Variants in PFKFB3 observed in about 807,000 individuals in gnomAD.
The protein encoded by PFKFB3 is 6-phosphofructo-2-kinase/fructose-2,6-bisphosphatase 3.
In PFKFB3, 33 loss-of-function variants were observed where a neutral mutation model predicts 68.0. That is an observed-to-expected ratio of 0.49 (90% confidence interval 0.37 to 0.65). PFKFB3 has a LOEUF of 0.65. Ranked by LOEUF, PFKFB3 falls within the 30% of genes least tolerant of loss-of-function variation. The pLI, the probability that PFKFB3 is intolerant of heterozygous loss-of-function variation, is 0.00. For synonymous variants in PFKFB3, 315 were observed against 288.2 expected (o/e 1.09, Z -0.94); for missense variants, 586 against 712.2 (o/e 0.82, Z 2.02).
chr10:6,230,448 A>G (rs1845666592), intron 14 of PFKFB3, among the ~76,000 whole-genome samples: 1 of 152,200 alleles, frequency 6.6e-6, no homozygotes, highest in South Asian at 2.1e-4. Context: ...TAATATGGAG[A>G]TAATAACTTC....
At chr10:6,319,088 T>C in the PFKFB3 span, among the ~76,000 whole-genome samples, 316 of 152,386 alleles carry the variant, frequency 2.1e-3, 1 homozygote, top group African/African-American at 7.3e-3. Context: ...CTGTTCTAGA[T>C]GCTAGAGATT....
the PFKFB3 span, among the ~76,000 whole-genome samples, chr10:6,313,024 C>CT: frequency 6.6e-6 from 1 of 152,208 alleles, no homozygotes; most frequent in African/African-American, 2.4e-5. This position sits in a 1 kb window ranked among gnomAD's most constrained non-coding sequence, Gnocchi z 4.2. Flanking sequence ...ACTGTATGAA[C>CT]TGGGGGGTAG....
At chr10:6,169,021 T>A (rs1435906785) in intron 1 of PFKFB3, among the ~76,000 whole-genome samples, 1 of 105,626 alleles carries the variant, frequency 9.5e-6, no homozygotes. Flanking sequence ...CACTGGTCAC[T>A]GCAACCTCCC....
rs567179510 is a variant in PFKFB3 at position 6,188,991 on chromosome 10, T to C, written c.17-24632T>C. 3.4e-3 allele frequency among the ~76,000 whole-genome samples: 517 copies of C among 152,028 alleles called. 2 individuals are homozygous for C. Among genetic ancestry groups the C allele is most frequent in the African/African-American group, 9.6e-3 (398 of 41,440 alleles). On this transcript the variant is annotated intron_variant, in intron 1 of 14. Transcript: ENST00000379789. ...CTGGGACTACAGGCGCCCGCCACCT[T>C]GCCCGGCTAATTTTTTAAAAAAATT...
At chr10:6,239,203 C>A (rs773234619), downstream of PFKFB3, among the ~76,000 whole-genome samples, 8 of 152,106 alleles carry the variant, frequency 5.3e-5, no homozygotes, top group Non-Finnish European at 1.5e-5. Context: ...GAGAGAGCAC[C>A]GCTGTGGTAG....
chr10:6,322,187 G>C, the PFKFB3 span, among the ~76,000 whole-genome samples: 1 of 152,108 alleles, frequency 6.6e-6, no homozygotes, highest in Non-Finnish European at 1.5e-5. Flanking sequence ...AGTGTTCTCT[G>C]TTTCTGTAGC....
the PFKFB3 span, among the ~76,000 whole-genome samples, chr10:6,307,330 TACACAC>T: frequency 0.064 from 6,353 of 99,192 alleles, 458 homozygotes; most frequent in African/African-American, 0.18. Context: ...GCATGCGTAC[TACACAC>T]ACACACACAC....
At chr10:6,192,652 C>G (rs970425521) in intron 1 of PFKFB3, among the ~76,000 whole-genome samples, 2 of 149,094 alleles carry the variant, frequency 1.3e-5, no homozygotes, top group African/African-American at 5.0e-5. Context: ...GACATTGACT[C>G]TTCCCCTCAC....
the PFKFB3 span, chr10:6,326,427 A>G: frequency 7.3e-6 from 3 of 412,052 alleles, no homozygotes; most frequent in Non-Finnish European, 9.7e-6. Context: ...CATCCTGCAC[A>G]TGTACCCCAG....
chr10:6,263,092 C>T, the PFKFB3 span, among the ~76,000 whole-genome samples: 1 of 152,162 alleles, frequency 6.6e-6, no homozygotes, highest in East Asian at 1.9e-4. Flanking sequence ...GCCTTCAGAG[C>T]CGAGAGCCCC....
chr10:6,232,353 C>G (rs1845801233), intron 14 of PFKFB3, among the ~76,000 whole-genome samples: 2 of 152,166 alleles, frequency 1.3e-5, no homozygotes. Flanking sequence ...AACAACACCC[C>G]TCTGCCTGGC....
chr10:6,145,511 C>G (rs554980920), intron 1 of PFKFB3, among the ~76,000 whole-genome samples: 1 of 152,150 alleles, frequency 6.6e-6, no homozygotes, highest in Non-Finnish European at 1.5e-5. Flanking sequence ...CGGAGAGACC[C>G]GGAGGGCGGC....
the PFKFB3 span, among the ~76,000 whole-genome samples, chr10:6,260,782 A>T: frequency 6.6e-6 from 1 of 152,066 alleles, no homozygotes; most frequent in African/African-American, 2.4e-5. Flanking sequence ...TTTATTTTCC[A>T]TTCTACTGTA....
the PFKFB3 span, among the ~76,000 whole-genome samples, chr10:6,274,480 T>C: frequency 6.6e-6 from 1 of 152,348 alleles, no homozygotes; most frequent in African/African-American, 2.4e-5. Flanking sequence ...ACTTTAATAA[T>C]GCATTCAATA....
At chr10:6,219,383 TC>T in intron 6 of PFKFB3, 185 bp from the exon 7 acceptor site, 1 of 583,246 alleles carries the variant, frequency 1.7e-6, no homozygotes, top group South Asian at 2.0e-5. Context: ...CAGGGAATCC[TC>T]CCCATGTAAC....
intron 1 of PFKFB3, among the ~76,000 whole-genome samples, chr10:6,208,348 A>G (rs1483308618): frequency 7.4e-6 from 1 of 135,442 alleles, no homozygotes; most frequent in Non-Finnish European, 1.5e-5. Context: ...CTGGGATTAC[A>G]GGTGTAAGCC....
chr10:6,232,789 G>C, intron 14 of PFKFB3, 106 bp from the exon 15 acceptor site: 1 of 867,048 alleles, frequency 1.2e-6, no homozygotes, highest in East Asian at 2.5e-5. Context: ...GTCTGGGATG[G>C]AGGGAGGGAA....
chr10:6,175,886 A>G (rs984230880), intron 1 of PFKFB3, among the ~76,000 whole-genome samples: 1 of 152,146 alleles, frequency 6.6e-6, no homozygotes, highest in Non-Finnish European at 1.5e-5. Context: ...ACTCACACCA[A>G]CTCTCATATC....
the PFKFB3 span, among the ~76,000 whole-genome samples, chr10:6,284,068 C>T: frequency 2.6e-5 from 4 of 152,146 alleles, no homozygotes; most frequent in Admixed American, 6.5e-5. Context: ...AGTGCTTCAG[C>T]GTTATATTTG....
Sources: allele counts gnomAD v4.1 joint callset (sites outside exome capture counted in the v4.1 genomes callset), GRCh38; gene constraint gnomAD v4.1.1; non-coding constraint Gnocchi (gnomAD v3.1); transcripts MANE v1.5; gene names NCBI Gene and HGNC (gene_info 2026-07-23, HGNC 2026-07-21).